CAMTA1: variants seen among roughly 807,000 people sequenced by gnomAD.
The protein encoded by CAMTA1 is calmodulin binding transcription activator 1, also known as calmodulin-binding transcription activator 1.
CAMTA1 carries 27 observed loss-of-function variants against 170.9 expected under a neutral mutation model. The observed-to-expected ratio is 0.16, with a 90% CI of 0.12 to 0.22. The LOEUF (loss-of-function observed/expected upper bound fraction) is 0.22, where lower values mean the gene tolerates loss of function less well. Ranked by LOEUF, CAMTA1 falls within the 10% of genes least tolerant of loss-of-function variation. The pLI, the probability that CAMTA1 is intolerant of heterozygous loss-of-function variation, is 1.00. For synonymous variants in CAMTA1, 833 were observed against 891.5 expected (o/e 0.93, Z 1.17); for missense variants, 1,619 against 2,217.2 (o/e 0.73, Z 5.42).
intron 1 of CAMTA1, among the ~76,000 whole-genome samples, chr1:6,798,479 G>C (rs1643094271): frequency 1.3e-5 from 2 of 152,116 alleles, no homozygotes; most frequent in South Asian, 4.1e-4. Context: ...TGTCGCCCAG[G>C]CTAGAGTGCA....
intron 5 of CAMTA1, among the ~76,000 whole-genome samples, chr1:7,295,274 T>C (rs1001877101): frequency 6.6e-6 from 1 of 152,200 alleles, no homozygotes; most frequent in East Asian, 1.9e-4. Flanking sequence ...AATGCTGTCA[T>C]GGGACCCATT....
chr1:7,449,235 A>G (rs989711504), intron 5 of CAMTA1, among the ~76,000 whole-genome samples: 1 of 152,212 alleles, frequency 6.6e-6, no homozygotes, highest in African/African-American at 2.4e-5. Flanking sequence ...ATTTGTCAGG[A>G]TGGGGCTAGG....
rs1318958351 is a variant in CAMTA1, at chr1:7,050,689, G to A, written c.235-40615G>A. On this transcript the variant is annotated intron_variant, in intron 3 of 22. Coordinates refer to ENST00000303635, the MANE Select transcript of CAMTA1 (RefSeq NM_015215.4). This position sits in a 1 kb window ranked among gnomAD's most constrained non-coding sequence, Gnocchi z 4.8. ...TTTCTTAGGTGAGGGACTCCAATTT[G>A]TGGAGGCAATGGTGGGGGTAGGGTG... Among the ~76,000 whole-genome samples the A allele has an allele frequency of 1.3e-5, 2 of 152,112 alleles. No homozygotes were observed. The highest frequency in any genetic ancestry group is 2.4e-5 in the African/African-American group (1 of 41,410).
chr1:7,480,590 T>G (rs780761850), intron 6 of CAMTA1, among the ~76,000 whole-genome samples: 1 of 152,122 alleles, frequency 6.6e-6, no homozygotes, highest in Non-Finnish European at 1.5e-5. Flanking sequence ...TCATGTTTCC[T>G]GGCCTCCCAG....
At chr1:7,713,261 CTG>C in intron 11 of CAMTA1, among the ~76,000 whole-genome samples, 1 of 152,318 alleles carries the variant, frequency 6.6e-6, no homozygotes, top group Admixed American at 6.5e-5. Context: ...TTATTGGAGT[CTG>C]TGCTAGGATG....
chr1:7,474,443 C>T (rs1473074427), intron 6 of CAMTA1, among the ~76,000 whole-genome samples: 1 of 152,248 alleles, frequency 6.6e-6, no homozygotes, highest in Non-Finnish European at 1.5e-5. Flanking sequence ...TGCATTGATG[C>T]CGTGCATAAA....
At chr1:7,298,326 C>T (rs1050589275) in intron 5 of CAMTA1, among the ~76,000 whole-genome samples, 1 of 4,104 alleles carries the variant, frequency 2.4e-4, no homozygotes, top group Non-Finnish European at 4.4e-4. Flanking sequence ...TGATCCACCC[C>T]CCACCCCGCA....
chr1:6,910,514 G>A (rs1480041548), intron 3 of CAMTA1, among the ~76,000 whole-genome samples: 1 of 152,178 alleles, frequency 6.6e-6, no homozygotes, highest in Non-Finnish European at 1.5e-5. Flanking sequence ...AGGGGAGCAG[G>A]GTGGGGAGGG....
At chr1:6,803,119 C>T (rs1030716426) in intron 1 of CAMTA1, among the ~76,000 whole-genome samples, 3 of 152,182 alleles carry the variant, frequency 2.0e-5, no homozygotes, top group African/African-American at 7.2e-5. Flanking sequence ...GGTCTTTGCC[C>T]TGTGGGTGTT....
chr1:7,383,604 A>G (rs552656152), intron 5 of CAMTA1, among the ~76,000 whole-genome samples: 1 of 152,314 alleles, frequency 6.6e-6, no homozygotes, highest in Admixed American at 6.5e-5. Flanking sequence ...TAGGGCACAG[A>G]GTGAGCTCCA....
In CAMTA1 at chr1:7,744,811, T is replaced by C. The variant is rs72853877; in HGVS notation, c.4183-24T>C. On this transcript the variant is annotated intron_variant, in intron 16 of 22. Coordinates refer to ENST00000303635, the MANE Select transcript of CAMTA1 (RefSeq NM_015215.4). ...TTGTAAGGTTCCTTTCTAACCTGAG[T>C]GTTCTGTGAACTTCTGACTTCAGGT... The C allele has an allele frequency of 2.4e-3, 3,825 of 1,603,052 alleles. 90 individuals are homozygous for C. The African/African-American group carries it at 0.046, about 19-fold the overall frequency.
chr1:7,470,690 G>A (rs1315643147), intron 6 of CAMTA1, among the ~76,000 whole-genome samples: 1 of 152,180 alleles, frequency 6.6e-6, no homozygotes, highest in Admixed American at 6.5e-5. Context: ...AGGAAGGAAA[G>A]GAAGAAGTGC....
chr1:7,720,785 G>C (rs1025323787), intron 11 of CAMTA1, among the ~76,000 whole-genome samples: 4 of 152,198 alleles, frequency 2.6e-5, no homozygotes, highest in African/African-American at 9.7e-5. Flanking sequence ...ACCCAGCCTT[G>C]CTTCCAGAGT....
chr1:7,387,473 C>G (rs1315309074), intron 5 of CAMTA1, among the ~76,000 whole-genome samples: 3 of 152,180 alleles, frequency 2.0e-5, no homozygotes, highest in Non-Finnish European at 4.4e-5. Context: ...GGTCTCTGAG[C>G]TTCACGGCTG....
intron 11 of CAMTA1, among the ~76,000 whole-genome samples, chr1:7,688,784 C>T (rs2096280152): frequency 6.6e-6 from 1 of 152,102 alleles, no homozygotes; most frequent in South Asian, 2.1e-4. Flanking sequence ...CAACCTTGTC[C>T]CCCACATCTG....
chr1:7,713,825 GC>G (rs1372146335), intron 11 of CAMTA1, among the ~76,000 whole-genome samples: 2 of 152,140 alleles, frequency 1.3e-5, no homozygotes, highest in Non-Finnish European at 2.9e-5. Context: ...TGAACAGAAA[GC>G]GCAAGAATTG....
chr1:7,473,922 C>T (rs563742021), intron 6 of CAMTA1, among the ~76,000 whole-genome samples: 17 of 152,384 alleles, frequency 1.1e-4, no homozygotes, highest in African/African-American at 3.8e-4. Flanking sequence ...GGATGTGTCT[C>T]TTCTGGGAGC....
At chr1:6,902,566 C>T (rs1677358051) in intron 3 of CAMTA1, among the ~76,000 whole-genome samples, 1 of 152,130 alleles carries the variant, frequency 6.6e-6, no homozygotes, top group South Asian at 2.1e-4. Context: ...TACAGAAGAG[C>T]ACAAGGGAAC....
At chr1:7,492,872 C>T (rs906534498) in intron 6 of CAMTA1, among the ~76,000 whole-genome samples, 1 of 150,448 alleles carries the variant, frequency 6.6e-6, no homozygotes, top group Non-Finnish European at 1.5e-5. Flanking sequence ...CAAACACACG[C>T]GCACATGCAC....
Sources: allele counts gnomAD v4.1 joint callset (sites outside exome capture counted in the v4.1 genomes callset), GRCh38; gene constraint gnomAD v4.1.1; non-coding constraint Gnocchi (gnomAD v3.1); transcripts MANE v1.5; gene names NCBI Gene and HGNC (gene_info 2026-07-23, HGNC 2026-07-21).